ZNF333: variants seen among roughly 807,000 people sequenced by gnomAD.
ZNF333 encodes the protein zinc finger protein 333.
ZNF333 carries 61 observed loss-of-function variants against 76.1 expected under a neutral mutation model. That is an observed-to-expected ratio of 0.80 (90% CI 0.65 to 0.99). The LOEUF is 0.99. Ranked by LOEUF, ZNF333 falls within the 50% of genes least tolerant of loss-of-function variation. The probability of loss-of-function intolerance (pLI) is 0.00; values close to 1 mark genes in which losing one functional copy is unlikely to be tolerated. For missense variants in ZNF333, 717 were observed against 822.4 expected, an observed-to-expected ratio of 0.87 and a Z score of 1.57; for synonymous variants, 284 against 305.0, an observed-to-expected ratio of 0.93 and a Z score of 0.72.
At chr19:14,725,102 T>C (rs558178731), downstream of ZNF333, among the ~76,000 whole-genome samples, 6 of 152,196 alleles carry the variant, frequency 3.9e-5, no homozygotes, top group East Asian at 1.2e-3. Context: ...AAGCTCACAA[T>C]CATGGCAAAA....
chr19:14,699,237 A>C lies in ZNF333; in HGVS notation c.262A>C (p.Met88Leu). 1.2e-6 allele frequency: 2 copies of C among 1,613,898 alleles called. No homozygotes were observed. Among genetic ancestry groups the C allele is most frequent in the Non-Finnish European group, 8.5e-7 (1 of 1,179,896 alleles). Residue 88 changes from methionine (M) to leucine (L), a missense_variant, in exon 5 of 12, where the codon ATG becomes CTG. Transcript: ENST00000292530. ...SQLKPEELPS[M>L]QDLLEEASSR... is the part of the protein sequence containing the mutation. ...ACTTAAACCCGAAGAGTTGCCTTCT[A>C]TGCAGGATCTTTTGGAAGAAGCATC...
chr19:14,725,485 G>A (rs551110788), downstream of ZNF333, among the ~76,000 whole-genome samples: 3 of 152,180 alleles, frequency 2.0e-5, no homozygotes, highest in East Asian at 5.8e-4. Flanking sequence ...AAAGTCCCAA[G>A]TCCCAAGTCA....
chr19:14,706,235 AC>A, intron 6 of ZNF333: 1 of 453,498 alleles, frequency 2.2e-6, no homozygotes, highest in Non-Finnish European at 4.4e-6. Flanking sequence ...GTCAGGTCAG[AC>A]GTGTTTCCTG....
At chr19:14,728,191 C>A (rs2732802) in intron 11 of ZNF333, among the ~76,000 whole-genome samples, 1 of 151,948 alleles carries the variant, frequency 6.6e-6, no homozygotes, top group Non-Finnish European at 1.5e-5. Flanking sequence ...CCAGCCTGGG[C>A]GACAGAGCGA....
rs2042450503 is a variant in ZNF333, at chr19:14,716,992, A to C, written c.728-2A>C. On this transcript the variant is annotated splice_acceptor_variant, in intron 9 of 11. Coordinates refer to ENST00000292530, the MANE Select transcript of ZNF333 (RefSeq NM_032433.4). LOFTEE classifies it high-confidence loss of function. ...CAACATGTGTTTTTTTCTCATGAGC[A>C]GCTGATCAACTGTGCAAACCCAATG... The C allele has an allele frequency of 2.5e-6, 4 of 1,609,958 alleles. No homozygotes were observed. In the South Asian group the frequency reaches 3.3e-5, roughly 13 times the overall value.
At chr19:14,724,344 C>G (rs535927305), downstream of ZNF333, among the ~76,000 whole-genome samples, 1 of 152,342 alleles carries the variant, frequency 6.6e-6, no homozygotes, top group East Asian at 1.9e-4. Flanking sequence ...GCTTCTCTTA[C>G]TGATTCACTT....
At position 14,695,588 on chromosome 19, in the gene ZNF333, TTG is replaced by T; in HGVS notation, c.154_155del (p.Val52LeufsTer29). On this transcript the variant is annotated frameshift_variant, in exon 4 of 12. Transcript: ENST00000292530. LOFTEE classifies it high-confidence loss of function. ...SRGTPPCKPS[C>X]VSQLGQRAEP... is the part of the protein sequence containing the mutation. ...CAGGAACTCCACCATGCAAACCCAG[TTG>T]TGTCTCCCAGCTGGGGCAAAGAGCA... 6.2e-7 allele frequency: 1 copy of T among 1,614,094 alleles called. No homozygotes were observed. Among genetic ancestry groups the T allele is most frequent in the Non-Finnish European group, 8.5e-7 (1 of 1,179,994 alleles).
chr19:14,713,783 CCCCCATCTCTAAAAAA>C (rs1330436071), intron 7 of ZNF333, among the ~76,000 whole-genome samples: 1 of 151,780 alleles, frequency 6.6e-6, no homozygotes, highest in Admixed American at 6.6e-5. Flanking sequence ...CATAGTGAGA[CCCCCATCTCTAAAAAA>C]ATAAAAAAAA....
At chr19:14,699,147 A>G (rs1396318223) in intron 4 of ZNF333, 52 bp from the exon 5 acceptor site, 2 of 1,341,474 alleles carry the variant, frequency 1.5e-6, no homozygotes, top group Non-Finnish European at 2.1e-6. Context: ...TTTTCAATTA[A>G]TGTCACTATT....
chr19:14,718,740 T>G lies in ZNF333; in HGVS notation c.1413T>G (p.Thr471=), dbSNP rs377728615. Reference sequence around the variant, plus strand: ...CATCCCTCAGGAGCCACGTGAGAACTCACACTGGAGAGAAGCCCTTTGAAT... The same window carrying G: ...CATCCCTCAGGAGCCACGTGAGAACGCACACTGGAGAGAAGCCCTTTGAAT... The part of the protein sequence containing the change: ...QPSSLRSHVR[T]HTGEKPFECS... The change falls in exon 12 of 12, where the codon ACT becomes ACG. Residue 471 remains threonine (T), a synonymous_variant. Transcript: ENST00000292530. 3 of 1,613,846 alleles carry G rather than the reference T, an allele frequency of 1.9e-6. No individual in the cohort carries two copies. Among genetic ancestry groups the G allele is most frequent in the Non-Finnish European group, 1.7e-6 (2 of 1,179,964 alleles).
At chr19:14,699,635 A>G (rs771326158) in intron 5 of ZNF333, among the ~76,000 whole-genome samples, 2 of 151,212 alleles carry the variant, frequency 1.3e-5, no homozygotes, top group Non-Finnish European at 3.0e-5. Flanking sequence ...TAATTTTTGT[A>G]TTTTTTGGTA....
At chr19:14,730,732 T>C (rs1004024145) in intron 11 of ZNF333, among the ~76,000 whole-genome samples, 6 of 152,042 alleles carry the variant, frequency 3.9e-5, no homozygotes, top group African/African-American at 1.4e-4. Flanking sequence ...TGCATGATGC[T>C]GAGGTTTGGG....
chr19:14,711,001 A>G (rs1026690212), intron 7 of ZNF333, among the ~76,000 whole-genome samples: 3 of 151,906 alleles, frequency 2.0e-5, no homozygotes, highest in Admixed American at 6.6e-5. Flanking sequence ...GAAGGGGGAA[A>G]GGTGCCAGGC....
chr19:14,693,319 G>A, intron 1 of ZNF333, 132 bp from the exon 2 acceptor site: 2 of 539,254 alleles, frequency 3.7e-6, no homozygotes, highest in South Asian at 9.9e-5. Context: ...GGTGCCTTGG[G>A]GGCCAACATG....
At chr19:14,702,211 T>C (rs1169728956) in intron 5 of ZNF333, among the ~76,000 whole-genome samples, 1 of 152,116 alleles carries the variant, frequency 6.6e-6, no homozygotes, top group Non-Finnish European at 1.5e-5. Context: ...GGTGGGAAAC[T>C]GCTCTTAGAA....
chr19:14,698,764 C>CA (rs1568527198), intron 4 of ZNF333, among the ~76,000 whole-genome samples: 1 of 147,014 alleles, frequency 6.8e-6, no homozygotes, highest in Non-Finnish European at 1.5e-5. Flanking sequence ...TGCTTGAACT[C>CA]AGGAGGCAGA....
At position 14,730,455 on chromosome 19, in the gene ZNF333, CCT is replaced by C. The variant is rs144858304; in HGVS notation, c.901-715_901-714del. On this transcript the variant is annotated intron_variant, in intron 11 of 11. Transcript: ENST00000540689. The stretch of plus-strand genomic sequence containing the variant: ...TCCTTCCTTCTTTCCTTCCTCCCTT[CCT>C]CTCTTTCTTTCACTTTTTTCTTTTT... 3.4e-5 allele frequency among the ~76,000 whole-genome samples: 3 copies of C among 89,356 alleles called. 1 individual carries two copies. Among genetic ancestry groups the C allele is most frequent in the East Asian group, 3.4e-4 (1 of 2,984 alleles). The allele number at this position is 89,356 out of a possible 152,430, so 58.6% of individuals were successfully genotyped here. A position where few individuals can be genotyped will look rare whatever the true frequency, so the allele number is the denominator to read the frequency against.
intron 7 of ZNF333, among the ~76,000 whole-genome samples, chr19:14,714,256 T>C (rs1568549030): frequency 6.6e-6 from 1 of 152,160 alleles, no homozygotes. Flanking sequence ...AATAGGGTCT[T>C]TGCAGCTGTA....
rs555118260 is a variant in ZNF333 at position 14,710,255 on chromosome 19, G to A, written c.511+3482G>A. Among the ~76,000 whole-genome samples the A allele has an allele frequency of 1.9e-3, 293 of 152,350 alleles. 3 individuals are homozygous for A. Among genetic ancestry groups the A allele is most frequent in the Non-Finnish European group, 3.2e-3 (217 of 68,030 alleles). ...ATGCACCTGTGGTTTTAACAGAACC[G>A]CACCCCCCAGCCCACCTGTGAGGAG... On this transcript the variant is annotated intron_variant, in intron 7 of 11. Transcript: ENST00000292530.
Sources: allele counts gnomAD v4.1 joint callset (sites outside exome capture counted in the v4.1 genomes callset), GRCh38; gene constraint gnomAD v4.1.1; transcripts MANE v1.5; gene names NCBI Gene and HGNC (gene_info 2026-07-23, HGNC 2026-07-21).